Variants in SPECC1 observed in about 807,000 individuals in gnomAD.
The protein encoded by SPECC1 is cytospin-B.
In SPECC1, 62 loss-of-function variants were observed where a neutral mutation model predicts 104.1. The ratio of observed to expected loss-of-function variants is 0.60; its 90% CI spans 0.49 to 0.74. The LOEUF (loss-of-function observed/expected upper bound fraction) is 0.74. Ranked by LOEUF, SPECC1 falls within the 30% of genes least tolerant of loss-of-function variation. The pLI is 0.00. For synonymous variants in SPECC1, 513 were observed against 501.6 expected (o/e 1.02, Z -0.30); for missense variants, 1,306 against 1,310.5 (o/e 1.00, Z 0.05).
chr17:20,247,507 G>A (rs1598080566), intron 9 of SPECC1, among the ~76,000 whole-genome samples, 188 bp downstream of exon 9: 1 of 152,166 alleles, frequency 6.6e-6, no homozygotes, highest in Non-Finnish European at 1.5e-5. Context: ...GCTTCATGAG[G>A]TCAGATATTT....
intron 13 of SPECC1, among the ~76,000 whole-genome samples, chr17:20,301,198 G>A (rs544760184): frequency 1.3e-5 from 2 of 152,158 alleles, no homozygotes; most frequent in African/African-American, 4.8e-5. Flanking sequence ...AGGCAGACTC[G>A]TACCATATAA....
chr17:20,313,993 G>T lies in SPECC1; in HGVS notation c.3135G>T (p.Leu1045=), dbSNP rs374356375. 11 of 1,614,186 alleles carry T rather than the reference G, an allele frequency of 6.8e-6. No individual in the cohort carries two copies. Among genetic ancestry groups the T allele is most frequent in the African/African-American group, 1.3e-5 (1 of 75,052 alleles). The part of the protein sequence containing the change: ...IKPSLELSEM[L]YTDRPDWQSV... ...CCCTGCAGGAACTCAGCGAGATGCT[G>T]TACACAGACCGGCCCGACTGGCAGA... Residue 1045 remains leucine (L), a synonymous_variant, in exon 15 of 15, where the codon CTG becomes CTT. Transcript: ENST00000395527.
chr17:20,287,940 G>A (rs1451217308), intron 12 of SPECC1, among the ~76,000 whole-genome samples: 2 of 151,994 alleles, frequency 1.3e-5, no homozygotes, highest in African/African-American at 4.8e-5. Context: ...GATTCTTCCT[G>A]ATGCTCTCCC....
intron 1 of SPECC1, among the ~76,000 whole-genome samples, chr17:20,022,335 A>G (rs1010532793): frequency 1.3e-5 from 2 of 152,284 alleles, no homozygotes; most frequent in East Asian, 1.9e-4. Context: ...TTCCATTGAC[A>G]TAAGTTGCCT....
At chr17:20,305,684 T>C in intron 13 of SPECC1, 1 of 226,938 alleles carries the variant, frequency 4.4e-6, no homozygotes, top group Admixed American at 5.1e-5. Flanking sequence ...TTTATTACTT[T>C]GATAATTTTT....
intron 1 of SPECC1, among the ~76,000 whole-genome samples, chr17:20,084,080 G>A (rs1597666460): frequency 6.6e-6 from 1 of 152,130 alleles, no homozygotes; most frequent in East Asian, 1.9e-4. Context: ...ATTGCCTTGT[G>A]CAGTTTATTA....
chr17:20,067,103 G>A (rs1051644310), intron 1 of SPECC1: 9 of 151,972 alleles, frequency 5.9e-5, no homozygotes, highest in African/African-American at 2.2e-4. Context: ...AGTAGACAGT[G>A]TAGAAAAATG....
chr17:20,294,720 G>GGGATGATGGTCA (rs66686539), intron 12 of SPECC1, among the ~76,000 whole-genome samples: 1 of 151,660 alleles, frequency 6.6e-6, no homozygotes, highest in Non-Finnish European at 1.5e-5. Flanking sequence ...GATGGTGGTG[G>GGGATGATGGTCA]TGGTAGTGAT....
At chr17:20,190,784 C>A (rs1298752230) in intron 3 of SPECC1, among the ~76,000 whole-genome samples, 1 of 152,146 alleles carries the variant, frequency 6.6e-6, no homozygotes, top group Non-Finnish European at 1.5e-5. Context: ...TGGCCTCAAG[C>A]AATTCTCCCA....
rs1310365900 is a variant in SPECC1 at position 20,318,031 on chromosome 17, CAG to C, written c.*3969_*3970del. On this transcript the variant is annotated 3_prime_UTR_variant, in exon 15 of 15. Coordinates refer to ENST00000395527, the MANE Select transcript of SPECC1 (RefSeq NM_001243439.2). Reference sequence around the variant, plus strand: ...AGCATCTTATTTTTTCTATACTCAGCAGAGTGTGCCATTCCCAGTTTCTGTCC... The same window carrying C: ...AGCATCTTATTTTTTCTATACTCAGCAGTGTGCCATTCCCAGTTTCTGTCC... 4.3e-6 allele frequency: 1 copy of C among 229,916 alleles called. No homozygotes were observed. The highest frequency in any genetic ancestry group is 2.2e-5 in the African/African-American group (1 of 45,122). 14.2% of individuals were successfully genotyped at this position (229,916 alleles called of 1,614,324 possible). A position where few individuals can be genotyped will look rare whatever the true frequency, so the allele number is the denominator to read the frequency against.
intron 1 of SPECC1, among the ~76,000 whole-genome samples, chr17:20,036,602 A>T (rs1317985070): frequency 6.6e-6 from 1 of 152,222 alleles, no homozygotes; most frequent in African/African-American, 2.4e-5. Context: ...CAAGAATACA[A>T]TATATTAAGT....
chr17:20,089,350 G>C (rs2047308417), intron 1 of SPECC1, among the ~76,000 whole-genome samples: 1 of 152,218 alleles, frequency 6.6e-6, no homozygotes, highest in South Asian at 2.1e-4. Flanking sequence ...AATGGGCTGA[G>C]TGCAGTGGCT....
At position 20,082,119 on chromosome 17, in the gene SPECC1, C is replaced by T. The variant is rs1208603842; in HGVS notation, c.-21-14512C>T. Among the ~76,000 whole-genome samples the T allele has an allele frequency of 2.0e-5, 3 of 152,190 alleles. 1 individual carries two copies. The highest frequency in any genetic ancestry group is 3.9e-4 in the East Asian group (2 of 5,190). ...CATTTTGCACAACTTCCACCGTGCTCGCGCGCTGTGGCCAAACAGCACTAC... is the reference window on the plus strand; with the variant it reads ...CATTTTGCACAACTTCCACCGTGCTTGCGCGCTGTGGCCAAACAGCACTAC... On this transcript the variant is annotated intron_variant, in intron 1 of 14. Coordinates refer to ENST00000395527, the MANE Select transcript of SPECC1 (RefSeq NM_001243439.2).
At chr17:20,157,267 A>G (rs999541660) in intron 3 of SPECC1, among the ~76,000 whole-genome samples, 1 of 151,854 alleles carries the variant, frequency 6.6e-6, no homozygotes, top group Non-Finnish European at 1.5e-5. Context: ...CCTCCCTGAC[A>G]CTTGGGGTAC....
intron 3 of SPECC1, among the ~76,000 whole-genome samples, chr17:20,198,114 C>CT (rs933507854): frequency 2.0e-5 from 3 of 152,012 alleles, no homozygotes; most frequent in Admixed American, 2.0e-4. Flanking sequence ...AGGAAAATTA[C>CT]TTTTTTTTGT....
chr17:20,108,152 C>T (rs2048323634), intron 2 of SPECC1, among the ~76,000 whole-genome samples: 1 of 151,266 alleles, frequency 6.6e-6, no homozygotes, highest in African/African-American at 2.4e-5. Flanking sequence ...TATTTAATAC[C>T]ACTGAATTGT....
intron 1 of SPECC1, among the ~76,000 whole-genome samples, chr17:20,028,200 A>C (rs1311914444): frequency 6.7e-6 from 1 of 148,924 alleles, no homozygotes; most frequent in Non-Finnish European, 1.5e-5. Flanking sequence ...TTTGAAAATC[A>C]TTTGGGCTGG....
intron 4 of SPECC1, among the ~76,000 whole-genome samples, chr17:20,210,528 A>C (rs2037070240): frequency 6.6e-6 from 1 of 152,206 alleles, no homozygotes; most frequent in African/African-American, 2.4e-5. Context: ...CTTTACCTTT[A>C]CATCTGATTG....
intron 1 of SPECC1, among the ~76,000 whole-genome samples, chr17:20,029,809 G>A (rs1218456683): frequency 6.6e-6 from 1 of 152,080 alleles, no homozygotes; most frequent in Admixed American, 6.5e-5. Flanking sequence ...TGTCAGTCTA[G>A]TTAAAAGGTT....
Sources: gnomAD v4.1 joint callset for allele counts (sites outside exome capture counted in the v4.1 genomes callset) on GRCh38, gnomAD v4.1.1 for gene constraint, MANE v1.5 for transcripts, NCBI Gene and HGNC (gene_info 2026-07-23, HGNC 2026-07-21) for gene names.